Variants in CDH13 observed in about 807,000 individuals in gnomAD.
CDH13 encodes cadherin-13.
Under a neutral mutation model 63.8 loss-of-function variants are expected in CDH13, and 24 were observed. The ratio of observed to expected loss-of-function variants is 0.38; its 90% CI spans 0.27 to 0.53. CDH13 has a LOEUF of 0.53. Ranked by LOEUF, CDH13 falls within the 20% of genes least tolerant of loss-of-function variation. CDH13 has a pLI of 0.85. For synonymous variants in CDH13, 503 were observed against 355.3 expected, an observed-to-expected ratio of 1.42 and a Z score of -4.67; for missense variants, 1,049 against 903.1, an observed-to-expected ratio of 1.16 and a Z score of -2.07.
chr16:83,428,456 T>C (rs1339652135), intron 6 of CDH13, among the ~76,000 whole-genome samples: 2 of 152,194 alleles, frequency 1.3e-5, no homozygotes, highest in Admixed American at 1.3e-4. Flanking sequence ...TTAATTGTGT[T>C]GTCAAGTTAG....
At chr16:83,045,872 A>G (rs2151495177) in intron 3 of CDH13, among the ~76,000 whole-genome samples, 1 of 152,358 alleles carries the variant, frequency 6.6e-6, no homozygotes, top group Non-Finnish European at 1.5e-5. Context: ...CAAAGTTTTC[A>G]GGCAGAAGCC....
chr16:82,749,133 C>T (rs528052410), intron 1 of CDH13, among the ~76,000 whole-genome samples: 116 of 151,432 alleles, frequency 7.7e-4, no homozygotes, highest in Non-Finnish European at 1.2e-3. Context: ...ATAAAAAGCC[C>T]GACAGAGCCA....
At chr16:83,558,084 T>C (rs1403525093) in intron 7 of CDH13, among the ~76,000 whole-genome samples, 1 of 152,174 alleles carries the variant, frequency 6.6e-6, no homozygotes, top group Non-Finnish European at 1.5e-5. Context: ...ACAGGGCTCA[T>C]TTCTTCCTGA....
At chr16:83,162,668 A>C (rs951034400) in intron 4 of CDH13, among the ~76,000 whole-genome samples, 1 of 152,060 alleles carries the variant, frequency 6.6e-6, no homozygotes, top group Non-Finnish European at 1.5e-5. Context: ...TGAGCTTGTC[A>C]AAATGCATAA....
intron 7 of CDH13, among the ~76,000 whole-genome samples, chr16:83,595,975 C>G (rs1040202993): frequency 2.0e-5 from 3 of 152,222 alleles, no homozygotes; most frequent in African/African-American, 7.2e-5. Flanking sequence ...CCTTGGCAGC[C>G]AAGCTGCTTC....
chr16:83,050,012 A>G (rs11861303), intron 3 of CDH13, among the ~76,000 whole-genome samples: 7,857 of 152,242 alleles, frequency 0.052, 633 homozygotes, highest in African/African-American at 0.18. Context: ...AACGTTGTAT[A>G]CTTGCAAGAT....
At chr16:82,676,793 G>A (rs1913962747) in intron 1 of CDH13, among the ~76,000 whole-genome samples, 1 of 152,010 alleles carries the variant, frequency 6.6e-6, no homozygotes, top group African/African-American at 2.4e-5. Flanking sequence ...TTCAACTCCA[G>A]CCACCCCAGT....
Position 82,673,019 on chromosome 16 carries a change from T to TTTTTTTG in CDH13, c.45+45882_45+45883insTTTTTTG, listed in dbSNP as rs59558350. ...GTTTTCTTTTTTTTTTTTTTTTTTT[T>TTTTTTTG]GTAGAGATGATGGGGTCTTCCTGTG... is the stretch of plus-strand genomic sequence containing the variant. On this transcript the variant is annotated intron_variant, in intron 1 of 13. Coordinates refer to ENST00000567109, the MANE Select transcript of CDH13 (RefSeq NM_001257.5). 7.3e-4 allele frequency among the ~76,000 whole-genome samples: 106 copies of TTTTTTTG among 145,460 alleles called. 2 individuals are homozygous for TTTTTTTG. Among genetic ancestry groups the TTTTTTTG allele is most frequent in the African/African-American group, 2.3e-3 (90 of 38,996 alleles).
chr16:83,453,091 A>G (rs1341410786), intron 6 of CDH13, among the ~76,000 whole-genome samples: 1 of 152,218 alleles, frequency 6.6e-6, no homozygotes, highest in African/African-American at 2.4e-5. Context: ...GGGATTGGAG[A>G]CTATTATTCC....
At chr16:83,557,626 C>T (rs1348546384) in intron 7 of CDH13, among the ~76,000 whole-genome samples, 2 of 152,126 alleles carry the variant, frequency 1.3e-5, no homozygotes, top group Non-Finnish European at 2.9e-5. Flanking sequence ...CTCTGCTTGC[C>T]CTTTGTTATA....
chr16:82,935,728 T>C (rs556727080), intron 2 of CDH13, among the ~76,000 whole-genome samples: 49 of 152,202 alleles, frequency 3.2e-4, no homozygotes, highest in African/African-American at 9.4e-4. Flanking sequence ...GTAGTGTCAT[T>C]AGAGTCTCAT....
At chr16:82,962,696 T>C (rs1907204601) in intron 2 of CDH13, among the ~76,000 whole-genome samples, 1 of 152,200 alleles carries the variant, frequency 6.6e-6, no homozygotes, top group Non-Finnish European at 1.5e-5. Context: ...CCAGTGATGA[T>C]TCTTCTGTCG....
chr16:82,989,850 C>A (rs907923754), intron 2 of CDH13, among the ~76,000 whole-genome samples: 1 of 152,236 alleles, frequency 6.6e-6, no homozygotes, highest in Non-Finnish European at 1.5e-5. Context: ...AATGAAGCTG[C>A]CCTTGTTAAA....
At chr16:82,747,312 A>G (rs920429142) in intron 1 of CDH13, among the ~76,000 whole-genome samples, 2 of 152,212 alleles carry the variant, frequency 1.3e-5, no homozygotes, top group African/African-American at 4.8e-5. Context: ...CCTCAGGAGT[A>G]TGCACGTTAA....
In CDH13 at chr16:83,295,028, C is replaced by T. The variant is rs572050268; in HGVS notation, c.637-49834C>T. On this transcript the variant is annotated intron_variant, in intron 5 of 13. Coordinates refer to ENST00000567109, the MANE Select transcript of CDH13 (RefSeq NM_001257.5). ...AAACAGCATGGTACTGTTATAACAA[C>T]AGACACATAGACCAATTGAACAGAA... Among the ~76,000 whole-genome samples the T allele has an allele frequency of 1.5e-3, 225 of 152,226 alleles. 1 individual carries two copies. Among genetic ancestry groups the T allele is most frequent in the Middle Eastern group, 6.8e-3 (2 of 294 alleles).
chr16:83,789,816 A>C (rs957162128), intron 13 of CDH13, among the ~76,000 whole-genome samples: 2 of 152,150 alleles, frequency 1.3e-5, no homozygotes, highest in Admixed American at 6.5e-5. Flanking sequence ...TTTTGTAAAT[A>C]AAGTTTTATT....
intron 4 of CDH13, among the ~76,000 whole-genome samples, chr16:83,151,688 G>A (rs1349897832): frequency 6.6e-6 from 1 of 152,178 alleles, no homozygotes; most frequent in East Asian, 1.9e-4. Context: ...CAGTAGGCCA[G>A]GCACAGTGGT....
intron 2 of CDH13, among the ~76,000 whole-genome samples, chr16:82,992,701 A>G (rs1345676602): frequency 1.3e-5 from 2 of 152,234 alleles, no homozygotes; most frequent in Non-Finnish European, 2.9e-5. Context: ...AGGGTGATAT[A>G]CAAAAAAAAG....
chr16:83,066,662 G>A (rs151100827), intron 3 of CDH13, among the ~76,000 whole-genome samples: 1 of 152,204 alleles, frequency 6.6e-6, no homozygotes. Context: ...AGAACAGAAT[G>A]ATTATCACAT....
Sources: gnomAD v4.1 joint callset for allele counts (sites outside exome capture counted in the v4.1 genomes callset) on GRCh38, gnomAD v4.1.1 for gene constraint, MANE v1.5 for transcripts, NCBI Gene and HGNC (gene_info 2026-07-23, HGNC 2026-07-21) for gene names.